WNK3: variants seen among roughly 807,000 people sequenced by gnomAD.
WNK3 encodes WNK lysine deficient protein kinase 3.
Under a neutral mutation model 116.7 loss-of-function variants are expected in WNK3, and 18 were observed. The ratio of observed to expected loss-of-function variants is 0.15; its 90% CI spans 0.11 to 0.23. WNK3 has a LOEUF of 0.23. WNK3 is among the 10% of genes least tolerant of loss of function. The pLI is 1.00. For synonymous variants in WNK3, 404 were observed against 469.4 expected, an observed-to-expected ratio of 0.86 and a Z score of 1.80; for missense variants, 993 against 1,323.8, an observed-to-expected ratio of 0.75 and a Z score of 3.88.
chrX:54,242,084 C>T (rs1044347343), intron 17 of WNK3, among the ~76,000 whole-genome samples: 2 of 111,179 alleles, frequency 1.8e-5, no homozygotes, highest in African/African-American at 6.5e-5. Context: ...GTTATTGGAG[C>T]TAATAAACAA....
intron 2 of WNK3, among the ~76,000 whole-genome samples, chrX:54,320,941 G>A (rs1022688678): frequency 3.6e-5 from 4 of 109,995 alleles, no homozygotes; most frequent in African/African-American, 6.6e-5. Flanking sequence ...CTGTCACCCA[G>A]GCTGGAGTGC....
intron 2 of WNK3, among the ~76,000 whole-genome samples, chrX:54,326,694 A>G (rs1047641666): frequency 7.2e-5 from 8 of 111,119 alleles, no homozygotes; most frequent in African/African-American, 9.8e-5. Context: ...ATTAAAATGA[A>G]AGAAATTATA....
At chrX:54,323,892 A>G (rs1226840160) in intron 2 of WNK3, among the ~76,000 whole-genome samples, 1 of 112,075 alleles carries the variant, frequency 8.9e-6, no homozygotes, top group Non-Finnish European at 1.9e-5. Context: ...AATGGCAGCT[A>G]TAGTCTATTG....
chrX:54,237,356 C>G (rs1557150435), exon 20 of WNK3: 1 of 1,209,513 alleles, frequency 8.3e-7, no homozygotes, highest in East Asian at 3.0e-5. Flanking sequence ...TTACAGGTTT[C>G]CTGAAGAGCT....
intron 20 of WNK3, among the ~76,000 whole-genome samples, chrX:54,235,226 T>G (rs1318185794): frequency 8.9e-6 from 1 of 112,538 alleles, no homozygotes; most frequent in Non-Finnish European, 1.9e-5. Flanking sequence ...CTTGAAGCAC[T>G]TGAACGTAGC....
chrX:54,195,732 G>C (rs1319289131), exon 24 of WNK3: 2 of 111,752 alleles, frequency 1.8e-5, no homozygotes, highest in African/African-American at 6.5e-5. Flanking sequence ...GGTTACTGCA[G>C]TCAGCATGGA....
intron 22 of WNK3, among the ~76,000 whole-genome samples, chrX:54,215,949 C>T (rs2067688471): frequency 9.0e-6 from 1 of 111,346 alleles, no homozygotes; most frequent in African/African-American, 3.3e-5. Flanking sequence ...AATTCTTCTG[C>T]CTTGGGATGC....
intron 22 of WNK3, among the ~76,000 whole-genome samples, chrX:54,211,533 T>C (rs2516040): frequency 0.31 from 33,297 of 107,646 alleles, 8,354 homozygotes; most frequent in African/African-American, 0.85. Context: ...AGATAATGAG[T>C]GGTGGCACAC....
intron 6 of WNK3, among the ~76,000 whole-genome samples, chrX:54,299,944 C>G (rs2068740890): frequency 9.0e-6 from 1 of 110,544 alleles, no homozygotes; most frequent in Admixed American, 9.7e-5. Flanking sequence ...ACTGCAACCT[C>G]CACCTCCCAG....
intron 5 of WNK3, among the ~76,000 whole-genome samples, chrX:54,303,683 CACTATTCAAA>C (rs2068792145): frequency 9.0e-6 from 1 of 110,873 alleles, no homozygotes; most frequent in Non-Finnish European, 1.9e-5. Flanking sequence ...ATAATAAAGT[CACTATTCAAA>C]AAATAGACCT....
intron 10 of WNK3, among the ~76,000 whole-genome samples, chrX:54,270,760 G>A (rs1557159089): frequency 9.1e-6 from 1 of 110,211 alleles, no homozygotes. Flanking sequence ...CAGGCCCGGT[G>A]TGTGATGTTC....
chrX:54,196,472 A>T (rs782494481), exon 24 of WNK3: 10 of 108,890 alleles, frequency 9.2e-5, no homozygotes, highest in African/African-American at 3.3e-4. Flanking sequence ...AAAAAAAAAA[A>T]GTACACCCAT....
chrX:54,205,476 A>T (rs2146711728), intron 22 of WNK3, among the ~76,000 whole-genome samples: 1 of 111,183 alleles, frequency 9.0e-6, no homozygotes, highest in South Asian at 3.8e-4. Context: ...AAGTGGAGGA[A>T]AAAATAATTA....
At position 54,219,669 on chromosome X, in the gene WNK3, CAAAAAAAAAAA is replaced by C. The variant is rs34431672; in HGVS notation, c.4870+9034_4870+9044del. 4.3e-3 allele frequency among the ~76,000 whole-genome samples: 66 copies of C among 15,179 alleles called. 1 individual carries two copies. Among genetic ancestry groups the C allele is most frequent in the Admixed American group, 9.8e-3 (8 of 818 alleles). The allele number at this position is 15,179 out of a possible 115,157, so 13.2% of individuals were successfully genotyped here. A position where few individuals can be genotyped will look rare whatever the true frequency, so the allele number is the denominator to read the frequency against. On this transcript the variant is annotated intron_variant, in intron 22 of 23. Coordinates refer to ENST00000354646, the Ensembl canonical transcript of WNK3. ...GGCAACAAAACGAGACTCCATCTCC[CAAAAAAAAAAA>C]AAAAAAAAAAAAAAAAAAAAGGAAG...
Position 54,219,445 on chromosome X carries a change from T to C in WNK3, c.4870+9269A>G, listed in dbSNP as rs192566846. Among the ~76,000 whole-genome samples, 4 of 109,286 alleles carry C rather than the reference T, an allele frequency of 3.7e-5. No homozygotes were observed. In the East Asian group the frequency reaches 1.1e-3, roughly 31 times the overall value. 94.9% of individuals were successfully genotyped at this position (109,286 alleles called of 115,157 possible). On this transcript the variant is annotated intron_variant, in intron 22 of 23. Transcript: ENST00000354646. Reference sequence around the variant, plus strand: ...CTGTAATCCCAGTACTTTGGGAGGCTGAAGCAGGCAGATCACTTGAGGTCA... The same window carrying C: ...CTGTAATCCCAGTACTTTGGGAGGCCGAAGCAGGCAGATCACTTGAGGTCA...
intron 1 of WNK3, among the ~76,000 whole-genome samples, chrX:54,354,524 C>A (rs1426247342): frequency 9.1e-6 from 1 of 109,975 alleles, no homozygotes; most frequent in Non-Finnish European, 1.9e-5. Context: ...TTAACTGTGG[C>A]CTGTCAGGGA....
At chrX:54,325,579 T>C (rs782184934) in intron 2 of WNK3, among the ~76,000 whole-genome samples, 2 of 100,535 alleles carry the variant, frequency 2.0e-5, no homozygotes, top group African/African-American at 7.5e-5. Context: ...CTCAGGAGGC[T>C]GAGACAGGAG....
At chrX:54,303,737 TA>T (rs1393164426) in intron 5 of WNK3, among the ~76,000 whole-genome samples, 1 of 111,163 alleles carries the variant, frequency 9.0e-6, no homozygotes, top group Non-Finnish European at 1.9e-5. Flanking sequence ...AATAAAAAAT[TA>T]AAAATAAAAA....
chrX:54,293,943 G>A (rs1378015452), intron 8 of WNK3, among the ~76,000 whole-genome samples: 1 of 112,163 alleles, frequency 8.9e-6, no homozygotes, highest in Non-Finnish European at 1.9e-5. Flanking sequence ...TTGGGAGGCT[G>A]AGGCGGGTAG....
Sources: allele counts gnomAD v4.1 joint callset (sites outside exome capture counted in the v4.1 genomes callset), GRCh38; gene constraint gnomAD v4.1.1; transcripts MANE v1.5; gene names NCBI Gene and HGNC (gene_info 2026-07-23, HGNC 2026-07-21).